Variants in TNR observed in about 807,000 individuals in gnomAD.
TNR encodes tenascin-R.
In TNR, 45 loss-of-function variants were observed where a neutral mutation model predicts 150.4. That is an observed-to-expected ratio of 0.30 (90% CI 0.24 to 0.38). The LOEUF is 0.38. Among genes scored for constraint, TNR ranks in the 10% least tolerant of loss-of-function variants. The pLI is 1.00. For missense variants in TNR, 1,544 were observed against 1,759.1 expected, an observed-to-expected ratio of 0.88 and a Z score of 2.19; for synonymous variants, 687 against 678.4, an observed-to-expected ratio of 1.01 and a Z score of -0.20.
chr1:175,376,860 T>TTATATATA (rs371694471), intron 9 of TNR, among the ~76,000 whole-genome samples: 34 of 113,700 alleles, frequency 3.0e-4, no homozygotes, highest in African/African-American at 9.8e-4. Flanking sequence ...AAATGTAATA[T>TTATATATA]TATATATATA....
At chr1:175,359,470 C>T (rs1312206434) in intron 15 of TNR, 142 bp downstream of exon 15, 38 of 1,329,312 alleles carry the variant, frequency 2.9e-5, no homozygotes, top group Admixed American at 3.6e-5. Flanking sequence ...ATCTTGAGGG[C>T]TTCATAGTAT....
chr1:175,612,385 A>AT (rs1370346301), intron 1 of TNR, among the ~76,000 whole-genome samples: 1 of 152,192 alleles, frequency 6.6e-6, no homozygotes, highest in Non-Finnish European at 1.5e-5. Flanking sequence ...TTGTCTTTGC[A>AT]TATCTGGTGA....
At chr1:175,437,808 C>A (rs139188812) in intron 2 of TNR, among the ~76,000 whole-genome samples, 1,637 of 152,272 alleles carry the variant, frequency 0.011, 37 homozygotes, top group African/African-American at 0.038. Flanking sequence ...GACACATACA[C>A]CCTCCCAAGA....
chr1:175,364,091 G>A (rs969449943), intron 12 of TNR, among the ~76,000 whole-genome samples: 1 of 152,178 alleles, frequency 6.6e-6, no homozygotes, highest in Non-Finnish European at 1.5e-5. Flanking sequence ...CTATCTGCAA[G>A]CCAACTAGGA....
chr1:175,712,349 A>G (rs190557350), intron 1 of TNR, among the ~76,000 whole-genome samples: 1 of 152,316 alleles, frequency 6.6e-6, no homozygotes, highest in Non-Finnish European at 1.5e-5. Flanking sequence ...AATTGCTCTG[A>G]GGATAGCATA....
chr1:175,400,490 A>G (rs908768331), intron 4 of TNR, among the ~76,000 whole-genome samples: 1 of 152,164 alleles, frequency 6.6e-6, no homozygotes, highest in Non-Finnish European at 1.5e-5. Flanking sequence ...CAGAGAATGG[A>G]GGCAGAAGTC....
chr1:175,324,725 T>C (rs1201589248), intron 21 of TNR, among the ~76,000 whole-genome samples: 1 of 152,146 alleles, frequency 6.6e-6, no homozygotes, highest in African/African-American at 2.4e-5. Flanking sequence ...TCCAACCCAC[T>C]TCCTAATCCC....
chr1:175,420,676 C>T (rs1654712156), intron 2 of TNR, among the ~76,000 whole-genome samples: 1 of 152,204 alleles, frequency 6.6e-6, no homozygotes, highest in Non-Finnish European at 1.5e-5. Flanking sequence ...TTTCAAGGTG[C>T]TTTCATAATC....
chr1:175,570,273 G>T (rs1163739427), intron 1 of TNR, among the ~76,000 whole-genome samples: 2 of 152,126 alleles, frequency 1.3e-5, no homozygotes, highest in East Asian at 3.9e-4. Flanking sequence ...GAGGGGCAGG[G>T]TCATTTGCAC....
intron 1 of TNR, among the ~76,000 whole-genome samples, chr1:175,574,527 G>A (rs1365202139): frequency 6.6e-6 from 1 of 152,152 alleles, no homozygotes; most frequent in Admixed American, 6.5e-5. Context: ...TGGGAGATAT[G>A]CAGCGATAAG....
intron 1 of TNR, among the ~76,000 whole-genome samples, chr1:175,533,883 T>G (rs887684962): frequency 1.3e-5 from 2 of 152,148 alleles, no homozygotes; most frequent in African/African-American, 4.8e-5. Context: ...ACCATGGGGT[T>G]GCAGGGTCCC....
chr1:175,672,873 A>G (rs1386988923), intron 1 of TNR, among the ~76,000 whole-genome samples: 1 of 152,124 alleles, frequency 6.6e-6, no homozygotes, highest in African/African-American at 2.4e-5. Context: ...TAGGTTCGTC[A>G]CTACTCTTTT....
Position 175,406,363 on chromosome 1 carries a change from T to C in TNR, c.352A>G (p.Ile118Val). 6.2e-7 allele frequency: 1 copy of C among 1,614,130 alleles called. No homozygotes were observed. The highest frequency in any genetic ancestry group is 8.5e-7 in the Non-Finnish European group (1 of 1,180,006). The part of the protein sequence containing the change: ...HESQVTFTHR[I>V]NFPKKACPCA... ...GGACAGGCCTTTTTGGGGAAGTTGA[T>C]CCTGTGTGTAAAGGTGACCTGGCTC... The change falls in exon 3 of 23, where the codon ATC (isoleucine) becomes GTC (valine). Residue 118 changes from isoleucine (I) to valine (V), a missense_variant. Transcript: ENST00000367674.
chr1:175,639,469 C>T (rs1190863374), intron 1 of TNR, among the ~76,000 whole-genome samples: 4 of 152,200 alleles, frequency 2.6e-5, no homozygotes, highest in Non-Finnish European at 5.9e-5. Flanking sequence ...CTTCTATGCC[C>T]TCTTGCAGTG....
chr1:175,526,338 C>A (rs957820931), intron 2 of TNR, among the ~76,000 whole-genome samples: 1 of 152,172 alleles, frequency 6.6e-6, no homozygotes, highest in African/African-American at 2.4e-5. Context: ...TAGAGTGAAG[C>A]TTTTCCATAG....
chr1:175,449,303 T>G (rs1656202779), intron 2 of TNR, among the ~76,000 whole-genome samples: 1 of 151,390 alleles, frequency 6.6e-6, no homozygotes, highest in Admixed American at 6.6e-5. Flanking sequence ...CACACACAGA[T>G]GCATGTGTGT....
chr1:175,605,110 C>T (rs1363700145), intron 1 of TNR, among the ~76,000 whole-genome samples: 1 of 152,172 alleles, frequency 6.6e-6, no homozygotes, highest in Non-Finnish European at 1.5e-5. Context: ...GACTCATTCT[C>T]ACATCAGGCA....
At chr1:175,363,140 G>T (rs1377216263) in intron 13 of TNR, among the ~76,000 whole-genome samples, 4 of 152,238 alleles carry the variant, frequency 2.6e-5, no homozygotes, top group Non-Finnish European at 5.9e-5. Flanking sequence ...CAGAGACAGT[G>T]TAGTCTGGAA....
intron 4 of TNR, 148 bp from the exon 5 acceptor site, chr1:175,396,955 T>C: frequency 1.9e-6 from 2 of 1,057,064 alleles, no homozygotes; most frequent in Non-Finnish European, 2.7e-6. Flanking sequence ...TAACTTCCTT[T>C]GTGAGCAGGC....
Sources: gnomAD v4.1 joint callset for allele counts (sites outside exome capture counted in the v4.1 genomes callset) on GRCh38, gnomAD v4.1.1 for gene constraint, MANE v1.5 for transcripts, NCBI Gene and HGNC (gene_info 2026-07-23, HGNC 2026-07-21) for gene names.